PIP5K1C: variants seen among roughly 807,000 people sequenced by gnomAD.
PIP5K1C encodes phosphatidylinositol-4-phosphate 5-kinase type 1 gamma.
PIP5K1C carries 45 observed loss-of-function variants against 80.1 expected under a neutral mutation model. The observed-to-expected ratio is 0.56, with a 90% CI of 0.44 to 0.72. PIP5K1C has a LOEUF of 0.72. Among genes scored for constraint, PIP5K1C ranks in the 30% least tolerant of loss-of-function variants. PIP5K1C has a pLI of 0.00. For missense variants in PIP5K1C, 753 were observed against 954.6 expected (o/e 0.79, Z 2.78); for synonymous variants, 498 against 420.1 (o/e 1.19, Z -2.27).
chr19:3,645,662 C>T (rs1251081897), intron 11 of PIP5K1C, among the ~76,000 whole-genome samples: 1 of 152,236 alleles, frequency 6.6e-6, no homozygotes, highest in African/African-American at 2.4e-5. Context: ...AACACTGTAC[C>T]CTCACAGTGC....
At chr19:3,675,623 A>G (rs1433384483) in intron 1 of PIP5K1C, among the ~76,000 whole-genome samples, 3 of 152,166 alleles carry the variant, frequency 2.0e-5, no homozygotes, top group Non-Finnish European at 4.4e-5. Context: ...CCATGGTGAC[A>G]TCAAACGGCC....
chr19:3,647,370 C>A lies in PIP5K1C; in HGVS notation c.1228G>T (p.Glu410Ter), dbSNP rs867432166. 6.3e-7 allele frequency: 1 copy of A among 1,583,064 alleles called. No homozygotes were observed. Residue 410 changes from glutamate to a stop codon, truncating the protein, a stop_gained, in exon 10 of 18, where the codon GAG becomes TAG. Coordinates refer to ENST00000335312, the MANE Select transcript of PIP5K1C (RefSeq NM_012398.3). LOFTEE classifies it high-confidence loss of function. ...LQSYRFIKKL[E>*]HTWKALVHDG... Reference sequence around the variant, plus strand: ...TGGACGAGGGCCTTCCAGGTGTGCTCCAGTTTCTTGATGAACCTGTGGAGA... The same window carrying A: ...TGGACGAGGGCCTTCCAGGTGTGCTACAGTTTCTTGATGAACCTGTGGAGA...
intron 1 of PIP5K1C, among the ~76,000 whole-genome samples, chr19:3,671,706 G>A (rs1160946846): frequency 1.3e-5 from 2 of 152,200 alleles, no homozygotes; most frequent in Non-Finnish European, 2.9e-5. Context: ...GGAGGAGAGG[G>A]GACGGGGAGA....
chr19:3,699,786 C>A (rs1290025478), intron 1 of PIP5K1C, among the ~76,000 whole-genome samples: 1 of 152,180 alleles, frequency 6.6e-6, no homozygotes, highest in African/African-American at 2.4e-5. Context: ...CGACAGGGCA[C>A]CCTGTGTGCA....
chr19:3,686,824 G>C (rs956282955), intron 1 of PIP5K1C, among the ~76,000 whole-genome samples: 1 of 152,110 alleles, frequency 6.6e-6, no homozygotes, highest in African/African-American at 2.4e-5. Flanking sequence ...AGAAAATGGG[G>C]TAATAAATCT....
At chr19:3,684,482 G>C (rs889063768) in intron 1 of PIP5K1C, among the ~76,000 whole-genome samples, 1 of 152,222 alleles carries the variant, frequency 6.6e-6, no homozygotes, top group African/African-American at 2.4e-5. Flanking sequence ...CTGCTCTCTT[G>C]GAATCCCTCC....
chr19:3,671,034 G>A (rs1028438052), intron 1 of PIP5K1C, among the ~76,000 whole-genome samples: 4 of 152,334 alleles, frequency 2.6e-5, no homozygotes, highest in Admixed American at 6.5e-5. Flanking sequence ...AACAATTCAC[G>A]GTTTTACGTC....
chr19:3,674,987 C>G (rs574476545), intron 1 of PIP5K1C, among the ~76,000 whole-genome samples: 1 of 152,262 alleles, frequency 6.6e-6, no homozygotes, highest in East Asian at 1.9e-4. Context: ...GTGAGAGATA[C>G]CAGACACAAG....
At chr19:3,661,826 A>G in intron 4 of PIP5K1C, 45 bp downstream of exon 4, 1 of 1,605,896 alleles carries the variant, frequency 6.2e-7, no homozygotes, top group Non-Finnish European at 8.5e-7. Context: ...CCTCAGAGCC[A>G]CGTGTGTGCT....
intron 15 of PIP5K1C, 23 bp downstream of exon 15, chr19:3,641,682 C>T: frequency 4.4e-6 from 7 of 1,590,566 alleles, no homozygotes; most frequent in African/African-American, 1.3e-5. Flanking sequence ...GGCGCCCCGA[C>T]CTCCCGCCGA....
chr19:3,657,426 T>A lies in PIP5K1C; in HGVS notation c.469-869A>T, dbSNP rs116960107. On this transcript the variant is annotated intron_variant, in intron 5 of 17. Transcript: ENST00000335312. ...GCCATCTGTGTCACGCCCTTTAAAATCCTAACTGGTCGCCATTGGTGTACA... is the reference window on the plus strand; with the variant it reads ...GCCATCTGTGTCACGCCCTTTAAAAACCTAACTGGTCGCCATTGGTGTACA... Among the ~76,000 whole-genome samples the A allele has an allele frequency of 5.4e-4, 82 of 152,188 alleles. 4 individuals carry two copies. The East Asian group carries it at 0.016, about 29-fold the overall frequency.
At position 3,700,373 on chromosome 19, in the gene PIP5K1C, C is replaced by T. The variant is rs867316297; in HGVS notation, c.18G>A (p.Pro6=). 3 of 1,268,030 alleles carry T rather than the reference C, an allele frequency of 2.4e-6. No homozygotes were observed. The African/African-American group carries it at 4.8e-5, about 20-fold the overall frequency. The allele number at this position is 1,268,030 out of a possible 1,614,324, so 78.5% of individuals were successfully genotyped here. ...CCGCCTCAGCGCTCTCCGCCTCGTC[C>T]GGTACCTCCAGCTCCATGGCCGCGC... MELEV[P]DEAESAEAGA... Residue 6 remains proline, a synonymous_variant, in exon 1 of 18, where the codon CCG becomes CCA. Transcript: ENST00000335312.
chr19:3,652,412 G>A (rs7247419), intron 7 of PIP5K1C, among the ~76,000 whole-genome samples: 81,213 of 152,110 alleles, frequency 0.53, 22,065 homozygotes, highest in East Asian at 0.7. Flanking sequence ...GTGGGTGGAT[G>A]CCCAGGGTAG....
chr19:3,670,356 G>A (rs796344390), intron 1 of PIP5K1C, among the ~76,000 whole-genome samples: 12 of 151,784 alleles, frequency 7.9e-5, no homozygotes, highest in African/African-American at 2.2e-4. Flanking sequence ...TGGATCCACC[G>A]CTGTCCTTAT....
intron 1 of PIP5K1C, among the ~76,000 whole-genome samples, chr19:3,684,893 G>C (rs1010603465): frequency 6.6e-6 from 1 of 152,190 alleles, no homozygotes; most frequent in African/African-American, 2.4e-5. Context: ...ACGTCACTCA[G>C]CAGTCAGGGC....
intron 1 of PIP5K1C, among the ~76,000 whole-genome samples, chr19:3,676,697 G>A (rs541504755): frequency 4.5e-4 from 68 of 152,276 alleles, no homozygotes; most frequent in African/African-American, 1.5e-3. Context: ...GGTGAAAAAC[G>A]CTGTGATCCC....
chr19:3,639,079 C>A (rs1241704944), intron 15 of PIP5K1C, 63 bp from the exon 16 acceptor site: 22 of 1,581,674 alleles, frequency 1.4e-5, no homozygotes, highest in Non-Finnish European at 1.8e-5. Flanking sequence ...TCCCCGCGCC[C>A]CCACTCAGGA....
rs532979968 is a variant in PIP5K1C, at chr19:3,692,206, C to T, written c.94+8091G>A. On this transcript the variant is annotated intron_variant, in intron 1 of 17. Transcript: ENST00000335312. This position sits in a 1 kb window ranked among gnomAD's most constrained non-coding sequence, Gnocchi z 5.2. ...CTGAGGCACGGAGCGGCTGGGCAACCGAACCCAATCATCTCAGCTGTCCTC... is the reference window on the plus strand; with the variant it reads ...CTGAGGCACGGAGCGGCTGGGCAACTGAACCCAATCATCTCAGCTGTCCTC... 6.6e-4 allele frequency among the ~76,000 whole-genome samples: 100 copies of T among 152,272 alleles called. 1 individual carries two copies. Among genetic ancestry groups the T allele is most frequent in the African/African-American group, 2.3e-3 (96 of 41,546 alleles).
intron 1 of PIP5K1C, among the ~76,000 whole-genome samples, chr19:3,677,779 ATG>A (rs2035412590): frequency 3.1e-5 from 2 of 65,118 alleles, no homozygotes; most frequent in Non-Finnish European, 3.0e-5. Context: ...GGATGGAGGG[ATG>A]GAGGGAGGGA....
Sources: allele counts gnomAD v4.1 joint callset (sites outside exome capture counted in the v4.1 genomes callset), GRCh38; gene constraint gnomAD v4.1.1; non-coding constraint Gnocchi (gnomAD v3.1); transcripts MANE v1.5; gene names NCBI Gene and HGNC (gene_info 2026-07-23, HGNC 2026-07-21).